ZNF385B: variants seen among roughly 807,000 people sequenced by gnomAD.
The protein encoded by ZNF385B is zinc finger protein 533.
A neutral mutation model predicts 39.2 loss-of-function variants in ZNF385B; 23 were observed. The ratio of observed to expected loss-of-function variants is 0.59; its 90% CI spans 0.42 to 0.83. ZNF385B has a LOEUF of 0.83. Among genes scored for constraint, ZNF385B ranks in the 40% least tolerant of loss-of-function variants. The pLI, the probability that ZNF385B is intolerant of heterozygous loss-of-function variation, is 0.00. For synonymous variants in ZNF385B, 205 were observed against 222.6 expected (o/e 0.92, Z 0.70); for missense variants, 552 against 598.9 (o/e 0.92, Z 0.82).
chr2:179,825,976 G>C (rs1027538353), intron 1 of ZNF385B, among the ~76,000 whole-genome samples: 1 of 152,124 alleles, frequency 6.6e-6, no homozygotes, highest in East Asian at 1.9e-4. Context: ...TCCTCAGCTC[G>C]GCAGCTTTAT....
intron 3 of ZNF385B, among the ~76,000 whole-genome samples, chr2:179,551,128 A>G (rs551266449): frequency 1.3e-5 from 2 of 152,212 alleles, no homozygotes; most frequent in East Asian, 1.9e-4. Flanking sequence ...TCTGGTATAT[A>G]TCATAATGAA....
intron 3 of ZNF385B, among the ~76,000 whole-genome samples, chr2:179,601,379 A>C (rs988288): frequency 0.44 from 66,637 of 151,994 alleles, 15,195 homozygotes; most frequent in Middle Eastern, 0.59. Flanking sequence ...TGGTTATAAT[A>C]TAGGATTATC....
intron 3 of ZNF385B, among the ~76,000 whole-genome samples, chr2:179,557,548 CAT>C (rs1319675831): frequency 1.1e-4 from 13 of 113,584 alleles, no homozygotes; most frequent in Non-Finnish European, 2.4e-4. Context: ...ATGTATATAA[CAT>C]ATATACATGT....
At chr2:179,582,634 CT>C (rs1432202143) in intron 3 of ZNF385B, among the ~76,000 whole-genome samples, 1 of 152,136 alleles carries the variant, frequency 6.6e-6, no homozygotes, top group Non-Finnish European at 1.5e-5. Context: ...AATGCATCCA[CT>C]ATAGATAATG....
chr2:179,450,508 A>G (rs923578921), intron 6 of ZNF385B, among the ~76,000 whole-genome samples: 7 of 152,234 alleles, frequency 4.6e-5, no homozygotes, highest in African/African-American at 1.7e-4. Context: ...AATGCTCATC[A>G]TCACTGGCCA....
chr2:179,716,169 C>T (rs543485667), intron 3 of ZNF385B, among the ~76,000 whole-genome samples: 1 of 152,132 alleles, frequency 6.6e-6, no homozygotes, highest in Non-Finnish European at 1.5e-5. Flanking sequence ...TTACCAAATT[C>T]ATCTAAAGAA....
At chr2:179,843,015 A>G (rs1486234) in intron 1 of ZNF385B, among the ~76,000 whole-genome samples, 47,147 of 151,840 alleles carry the variant, frequency 0.31, 7,597 homozygotes, top group African/African-American at 0.35. Flanking sequence ...CCACCCCAAA[A>G]CTCTGCCACA....
intron 1 of ZNF385B, among the ~76,000 whole-genome samples, chr2:179,824,305 T>C (rs1187107239): frequency 2.6e-5 from 4 of 152,174 alleles, no homozygotes; most frequent in African/African-American, 7.2e-5. Context: ...GAGAAGTCTA[T>C]GTTACCCAAA....
chr2:179,444,836 G>A, intron 9 of ZNF385B, 40 bp downstream of exon 9: 1 of 1,563,158 alleles, frequency 6.4e-7, no homozygotes, highest in Non-Finnish European at 8.8e-7. Flanking sequence ...ACCCAGCAAG[G>A]CTGCCCCACA....
intron 1 of ZNF385B, among the ~76,000 whole-genome samples, chr2:179,815,781 C>T (rs988601278): frequency 1.3e-5 from 2 of 152,076 alleles, no homozygotes; most frequent in East Asian, 1.9e-4. Flanking sequence ...TTTAGGAATC[C>T]TTCATTCTTG....
chr2:179,541,378 T>G (rs2059910466), intron 4 of ZNF385B, among the ~76,000 whole-genome samples: 1 of 152,198 alleles, frequency 6.6e-6, no homozygotes, highest in South Asian at 2.1e-4. Context: ...CATTTCATTC[T>G]TGCTATGTTT....
chr2:179,848,272 C>T (rs1708902120), intron 1 of ZNF385B, among the ~76,000 whole-genome samples: 1 of 152,142 alleles, frequency 6.6e-6, no homozygotes, highest in African/African-American at 2.4e-5. Context: ...GGGACAGTAT[C>T]TCTAATAATC....
chr2:179,821,858 G>T lies in ZNF385B; in HGVS notation c.-155+39243C>A, dbSNP rs138390504. Among the ~76,000 whole-genome samples the T allele has an allele frequency of 7.9e-5, 12 of 152,146 alleles. No homozygotes were observed. The East Asian group carries it at 2.1e-3, about 27-fold the overall frequency. On this transcript the variant is annotated intron_variant, in intron 1 of 9. Transcript: ENST00000410066. ...GGTACAGTTCATAATTCATTAATCT[G>T]ACTGCAGTGACAAAAATAGGATGCA...
Position 179,442,504 on chromosome 2 carries a change from C to T in ZNF385B, c.*746G>A, listed in dbSNP as rs943888844. 5 of 152,628 alleles carry T rather than the reference C, an allele frequency of 3.3e-5. No homozygotes were observed. The highest frequency in any genetic ancestry group is 1.2e-4 in the African/African-American group (5 of 41,460). 9.5% of individuals were successfully genotyped at this position (152,628 alleles called of 1,614,324 possible). A position where few individuals can be genotyped will look rare whatever the true frequency, so the allele number is the denominator to read the frequency against. ...AATTATAGCTATGTTATATGGCTTT[C>T]TATTTCATTTAAATATCTCCAAATA... On this transcript the variant is annotated 3_prime_UTR_variant, in exon 10 of 10. Coordinates refer to ENST00000410066, the MANE Select transcript of ZNF385B (RefSeq NM_152520.6).
chr2:179,556,325 T>C (rs1291321486), intron 3 of ZNF385B, among the ~76,000 whole-genome samples: 1 of 149,902 alleles, frequency 6.7e-6, no homozygotes, highest in African/African-American at 2.5e-5. Flanking sequence ...ATTTAAGAAT[T>C]TAAATAAATT....
intron 3 of ZNF385B, among the ~76,000 whole-genome samples, chr2:179,590,145 T>C (rs988870297): frequency 2.0e-5 from 3 of 152,208 alleles, no homozygotes; most frequent in African/African-American, 7.2e-5. Flanking sequence ...TTTACCTCAG[T>C]GGGTTGTGCT....
At chr2:179,632,222 C>G (rs1206137366) in intron 3 of ZNF385B, among the ~76,000 whole-genome samples, 5 of 152,206 alleles carry the variant, frequency 3.3e-5, no homozygotes, top group Non-Finnish European at 5.9e-5. Flanking sequence ...CTACAGAACT[C>G]TCCACCTCAA....
At chr2:179,628,803 G>T (rs906954976) in intron 3 of ZNF385B, among the ~76,000 whole-genome samples, 2 of 152,028 alleles carry the variant, frequency 1.3e-5, no homozygotes, top group South Asian at 4.2e-4. Context: ...GACATTTTAC[G>T]TATCAACTAT....
chr2:179,651,232 T>G (rs146223407), intron 3 of ZNF385B, among the ~76,000 whole-genome samples: 279 of 152,232 alleles, frequency 1.8e-3, no homozygotes, highest in Middle Eastern at 0.01. Flanking sequence ...ATACACTTAT[T>G]TTTCAATACT....
Sources: allele counts gnomAD v4.1 joint callset (sites outside exome capture counted in the v4.1 genomes callset), GRCh38; gene constraint gnomAD v4.1.1; transcripts MANE v1.5; gene names NCBI Gene and HGNC (gene_info 2026-07-23, HGNC 2026-07-21).